Variants in AUTS2 observed in about 807,000 individuals in gnomAD.
AUTS2 encodes the protein autism susceptibility gene 2 protein.
AUTS2 carries 17 observed loss-of-function variants against 112.4 expected under a neutral mutation model. The observed-to-expected ratio is 0.15, with a 90% CI of 0.10 to 0.23. The LOEUF (loss-of-function observed/expected upper bound fraction) is 0.23. Ranked by LOEUF, AUTS2 falls within the 10% of genes least tolerant of loss-of-function variation. The probability of loss-of-function intolerance (pLI) is 1.00; values close to 1 mark genes in which losing one functional copy is unlikely to be tolerated. For missense variants in AUTS2, 1,510 were observed against 1,701.6 expected (o/e 0.89, Z 1.98); for synonymous variants, 751 against 702.7 (o/e 1.07, Z -1.09).
intron 1 of AUTS2, among the ~76,000 whole-genome samples, chr7:69,794,344 T>G (rs1050341375): frequency 2.0e-5 from 3 of 152,148 alleles, no homozygotes. Context: ...GTATTGGTGT[T>G]AGGCAAGAAT....
At chr7:70,074,171 A>G (rs1468148397) in intron 2 of AUTS2, among the ~76,000 whole-genome samples, 4 of 152,242 alleles carry the variant, frequency 2.6e-5, no homozygotes, top group Admixed American at 2.0e-4. Flanking sequence ...GCATCTTTAC[A>G]AAATATGTAG....
intron 2 of AUTS2, among the ~76,000 whole-genome samples, chr7:70,104,266 G>C: frequency 7.1e-6 from 1 of 141,740 alleles, no homozygotes; most frequent in East Asian, 2.0e-4. Context: ...TTTTTTTTTT[G>C]GGAAAAATCC....
At chr7:70,771,978 C>T (rs1790376215) in intron 11 of AUTS2, among the ~76,000 whole-genome samples, 1 of 152,184 alleles carries the variant, frequency 6.6e-6, no homozygotes, top group Non-Finnish European at 1.5e-5. Flanking sequence ...ATATCAGACA[C>T]ATGTGCGCCA....
chr7:70,449,576 C>A (rs1796447591), intron 5 of AUTS2, among the ~76,000 whole-genome samples: 1 of 152,168 alleles, frequency 6.6e-6, no homozygotes, highest in Admixed American at 6.5e-5. Flanking sequence ...AATCTTCCTG[C>A]CATTTGGATG....
intron 5 of AUTS2, among the ~76,000 whole-genome samples, chr7:70,597,907 G>T (rs1803283627): frequency 6.6e-6 from 1 of 152,114 alleles, no homozygotes; most frequent in African/African-American, 2.4e-5. Context: ...GGATGATCAG[G>T]GACTACCTTC....
chr7:69,662,941 T>C (rs1795872498), intron 1 of AUTS2, among the ~76,000 whole-genome samples: 1 of 152,236 alleles, frequency 6.6e-6, no homozygotes, highest in Admixed American at 6.5e-5. Context: ...CTATCCCGTG[T>C]GATTTCCACA....
intron 1 of AUTS2, among the ~76,000 whole-genome samples, chr7:69,764,481 A>G (rs1788334170): frequency 6.6e-6 from 1 of 151,790 alleles, no homozygotes; most frequent in African/African-American, 2.4e-5. Context: ...CTGGTTGCAA[A>G]CCTTACCCTA....
At chr7:70,193,410 GC>G (rs1193330910) in intron 4 of AUTS2, among the ~76,000 whole-genome samples, 2 of 152,174 alleles carry the variant, frequency 1.3e-5, no homozygotes, top group Non-Finnish European at 2.9e-5. Flanking sequence ...GTAAGATCTT[GC>G]TCTGTGCCAA....
intron 4 of AUTS2, among the ~76,000 whole-genome samples, chr7:70,139,464 C>T (rs759492191): frequency 2.0e-5 from 3 of 152,162 alleles, no homozygotes; most frequent in Non-Finnish European, 4.4e-5. Flanking sequence ...AGACGTCATT[C>T]TACTCATAGC....
chr7:70,666,016 C>T (rs545416803), intron 5 of AUTS2, among the ~76,000 whole-genome samples: 5 of 152,252 alleles, frequency 3.3e-5, no homozygotes, highest in Admixed American at 3.3e-4. Flanking sequence ...TGAGCTGGAG[C>T]TTACTGACAA....
At chr7:69,600,557 T>C (rs1410556479) in intron 1 of AUTS2, among the ~76,000 whole-genome samples, 1 of 146,122 alleles carries the variant, frequency 6.8e-6, no homozygotes, top group African/African-American at 2.5e-5. Flanking sequence ...TTTTTTTTTT[T>C]GGTGAAGCTG....
intron 1 of AUTS2, among the ~76,000 whole-genome samples, chr7:69,635,023 G>T (rs191649460): frequency 9.3e-5 from 14 of 149,816 alleles, no homozygotes; most frequent in East Asian, 2.0e-4. Context: ...TCTTTTTAAA[G>T]AACTCAGTCT....
chr7:69,656,370 G>T (rs1795538982), intron 1 of AUTS2, among the ~76,000 whole-genome samples: 1 of 152,188 alleles, frequency 6.6e-6, no homozygotes, highest in African/African-American at 2.4e-5. Context: ...TGGAGTGCTA[G>T]GTTAACAGTC....
At chr7:70,558,218 G>T (rs931618760) in intron 5 of AUTS2, among the ~76,000 whole-genome samples, 4 of 152,070 alleles carry the variant, frequency 2.6e-5, no homozygotes, top group African/African-American at 7.2e-5. Context: ...TGGCTCTCTG[G>T]TCCAGGTGTC....
At chr7:70,115,715 T>C (rs1415868534) in intron 2 of AUTS2, among the ~76,000 whole-genome samples, 1 of 152,272 alleles carries the variant, frequency 6.6e-6, no homozygotes, top group Admixed American at 6.5e-5. Context: ...AAGAGTTTGA[T>C]ACTGCTTATG....
rs567250990 is a variant in AUTS2, at chr7:70,539,182, C to T, written c.690+103401C>T. ...TGGTACAGCACTAAGAATCCATTTC[C>T]TTCTTCTCAGTGACTCACTTCCCAC... On this transcript the variant is annotated intron_variant, in intron 5 of 18. Coordinates refer to ENST00000342771, the MANE Select transcript of AUTS2 (RefSeq NM_015570.4). Among the ~76,000 whole-genome samples the T allele has an allele frequency of 2.0e-5, 3 of 152,304 alleles. No homozygotes were observed. The East Asian group carries it at 5.8e-4, about 29-fold the overall frequency.
At chr7:70,580,202 C>T (rs1802369718) in intron 5 of AUTS2, among the ~76,000 whole-genome samples, 1 of 152,200 alleles carries the variant, frequency 6.6e-6, no homozygotes, top group Non-Finnish European at 1.5e-5. Flanking sequence ...TCTTGCAACC[C>T]TGAAACAGTG....
Position 70,644,177 on chromosome 7 carries a change from C to G in AUTS2, c.691-54392C>G, listed in dbSNP as rs535874225. Among the ~76,000 whole-genome samples, 79 of 152,240 alleles carry G rather than the reference C, an allele frequency of 5.2e-4. 1 individual carries two copies. The highest frequency in any genetic ancestry group is 1.9e-3 in the African/African-American group (78 of 41,554). ...TCAACAATGAAGAAAACAAGGTCAT[C>G]TATTGAAAAGGTTGTGGAGGGAACA... On this transcript the variant is annotated intron_variant, in intron 5 of 18. Coordinates refer to ENST00000342771, the MANE Select transcript of AUTS2 (RefSeq NM_015570.4).
At chr7:70,208,095 A>G (rs1810670720) in intron 4 of AUTS2, among the ~76,000 whole-genome samples, 1 of 151,468 alleles carries the variant, frequency 6.6e-6, no homozygotes, top group Non-Finnish European at 1.5e-5. Flanking sequence ...TATGTATTGT[A>G]TCTGCTTTCT....
Sources: gnomAD v4.1 joint callset for allele counts (sites outside exome capture counted in the v4.1 genomes callset) on GRCh38, gnomAD v4.1.1 for gene constraint, MANE v1.5 for transcripts, NCBI Gene and HGNC (gene_info 2026-07-23, HGNC 2026-07-21) for gene names.